Variants in CDH23 observed in about 807,000 individuals in gnomAD.
CDH23 encodes cadherin-23.
CDH23 carries 189 observed loss-of-function variants against 317.1 expected under a neutral mutation model. That is an observed-to-expected ratio of 0.60 (90% CI 0.53 to 0.67). CDH23 has a LOEUF of 0.67. Ranked by LOEUF, CDH23 falls within the 30% of genes least tolerant of loss-of-function variation. The pLI is 0.00. For missense variants in CDH23, 4,401 were observed against 4,592.4 expected (o/e 0.96, Z 1.20); for synonymous variants, 1,839 against 1,876.8 (o/e 0.98, Z 0.52).
chr10:71,535,455 G>A (rs1021036653), intron 6 of CDH23, among the ~76,000 whole-genome samples: 1 of 152,218 alleles, frequency 6.6e-6, no homozygotes, highest in Non-Finnish European at 1.5e-5. Flanking sequence ...GGCCTAGTGG[G>A]CTTTGTGGCA....
In CDH23 at chr10:71,793,333, G is replaced by A. The variant is rs1841313543; in HGVS notation, c.6405G>A (p.Glu2135=). 1 of 1,613,990 alleles carries A rather than the reference G, an allele frequency of 6.2e-7. No individual in the cohort carries two copies. Residue 2135 remains glutamate (E), a synonymous_variant, in exon 48 of 70, where the codon GAG becomes GAA. Coordinates refer to ENST00000224721, the MANE Select transcript of CDH23 (RefSeq NM_022124.6). ...IRVGNATIDR[E]EQESYRLTVV... Reference sequence around the variant, plus strand: ...TTGGTAATGCCACCATCGACAGAGAGGAGCAGGAGTCCTACAGGCTAACGG... The same window carrying A: ...TTGGTAATGCCACCATCGACAGAGAAGAGCAGGAGTCCTACAGGCTAACGG...
intron 6 of CDH23, among the ~76,000 whole-genome samples, chr10:71,547,309 G>A (rs1405081826): frequency 6.6e-6 from 1 of 152,226 alleles, no homozygotes; most frequent in East Asian, 1.9e-4. Context: ...GTGAAGATGA[G>A]GAAAGGATTC....
chr10:71,565,505 G>A (rs945231799), intron 6 of CDH23, among the ~76,000 whole-genome samples: 4 of 152,198 alleles, frequency 2.6e-5, no homozygotes, highest in Non-Finnish European at 4.4e-5. Flanking sequence ...CCCGGGGATT[G>A]GGGAAAGGCA....
At chr10:71,513,450 G>A (rs1449679009) in intron 6 of CDH23, among the ~76,000 whole-genome samples, 5 of 152,190 alleles carry the variant, frequency 3.3e-5, no homozygotes, top group African/African-American at 1.2e-4. Flanking sequence ...GAAACCCCAG[G>A]CCCCTGCCCT....
At chr10:71,462,688 G>A (rs895149909) in intron 3 of CDH23, among the ~76,000 whole-genome samples, 7 of 152,248 alleles carry the variant, frequency 4.6e-5, no homozygotes, top group African/African-American at 1.7e-4. Context: ...ATTGTTTAGT[G>A]AAATAATAAA....
chr10:71,612,122 C>T (rs955934252), intron 9 of CDH23, among the ~76,000 whole-genome samples: 3 of 152,144 alleles, frequency 2.0e-5, no homozygotes, highest in Admixed American at 6.5e-5. Context: ...GCCTTGTCGG[C>T]TCCCTAGGTA....
At chr10:71,611,388 G>A (rs1303863080) in intron 9 of CDH23, among the ~76,000 whole-genome samples, 1 of 152,136 alleles carries the variant, frequency 6.6e-6, no homozygotes, top group Non-Finnish European at 1.5e-5. Flanking sequence ...TCTCTGTGGC[G>A]AGGCTCTCCT....
chr10:71,802,709 C>T (rs1251230997), intron 53 of CDH23, among the ~76,000 whole-genome samples, 189 bp from the exon 54 acceptor site: 1 of 152,146 alleles, frequency 6.6e-6, no homozygotes, highest in Non-Finnish European at 1.5e-5. Flanking sequence ...GATTGTGCAA[C>T]CAAGGTAACT....
chr10:71,539,279 A>T (rs1261431700), intron 6 of CDH23, among the ~76,000 whole-genome samples: 1 of 152,098 alleles, frequency 6.6e-6, no homozygotes, highest in African/African-American at 2.4e-5. Flanking sequence ...TAGGACCCTC[A>T]TGCCTGTCCA....
chr10:71,493,501 A>G (rs896923921), intron 3 of CDH23, among the ~76,000 whole-genome samples: 4 of 152,150 alleles, frequency 2.6e-5, no homozygotes, highest in Non-Finnish European at 5.9e-5. Flanking sequence ...GCCTGAGGTA[A>G]GAACAGCCAG....
intron 2 of CDH23, among the ~76,000 whole-genome samples, chr10:71,440,975 A>G (rs2132008382): frequency 6.6e-6 from 1 of 152,242 alleles, no homozygotes; most frequent in South Asian, 2.1e-4. Context: ...GTATCCCTCG[A>G]GGATTCCCTC....
At chr10:71,806,805 G>A (rs1461838910) in intron 57 of CDH23, among the ~76,000 whole-genome samples, 2 of 152,118 alleles carry the variant, frequency 1.3e-5, no homozygotes, top group South Asian at 4.1e-4. Flanking sequence ...TCAAACTCCT[G>A]CCTTGGCCTC....
chr10:71,791,462 T>A, intron 47 of CDH23, 127 bp downstream of exon 47: 2 of 748,168 alleles, frequency 2.7e-6, no homozygotes, highest in Non-Finnish European at 4.5e-6. Context: ...AGGGTGAGTG[T>A]AGAACACACT....
chr10:71,401,594 T>C (rs1847784282), intron 1 of CDH23, among the ~76,000 whole-genome samples: 1 of 152,202 alleles, frequency 6.6e-6, no homozygotes, highest in Admixed American at 6.5e-5. Flanking sequence ...TCTAGGCATC[T>C]GCTCTCGGAC....
intron 9 of CDH23, among the ~76,000 whole-genome samples, chr10:71,587,987 A>C (rs1283837088): frequency 6.6e-6 from 1 of 152,204 alleles, no homozygotes; most frequent in African/African-American, 2.4e-5. Context: ...GACACCCACA[A>C]GTCCACATTG....
chr10:71,586,018 G>A (rs1859036007), intron 9 of CDH23, among the ~76,000 whole-genome samples: 1 of 152,112 alleles, frequency 6.6e-6, no homozygotes, highest in African/African-American at 2.4e-5. Flanking sequence ...CCCTTGCTCG[G>A]GACATAGAGT....
At chr10:71,452,977 G>C (rs117187016) in intron 3 of CDH23, among the ~76,000 whole-genome samples, 1 of 152,168 alleles carries the variant, frequency 6.6e-6, no homozygotes, top group African/African-American at 2.4e-5. Context: ...TGCTTGGTGG[G>C]TGAGTGGGTA....
At chr10:71,712,033 C>T (rs1409256135) in intron 27 of CDH23, 1 of 152,178 alleles carries the variant, frequency 6.6e-6, no homozygotes, top group Admixed American at 6.5e-5. Context: ...GGCAGGGTCA[C>T]GCTTCCTCCA....
chr10:71,785,859 C>T (rs574585232), intron 44 of CDH23, 121 bp downstream of exon 44: 12 of 718,072 alleles, frequency 1.7e-5, no homozygotes, highest in East Asian at 2.7e-5. Context: ...GGAGTGAGCA[C>T]GTGCTGGCTT....
Sources: gnomAD v4.1 joint callset for allele counts (sites outside exome capture counted in the v4.1 genomes callset) on GRCh38, gnomAD v4.1.1 for gene constraint, MANE v1.5 for transcripts, NCBI Gene and HGNC (gene_info 2026-07-23, HGNC 2026-07-21) for gene names.